The following ACVR2A variants were observed in gnomAD, a reference collection of about 807,000 sequenced individuals.
ACVR2A encodes activin A receptor type 2A.
Under a neutral mutation model 61.4 loss-of-function variants are expected in ACVR2A, and 7 were observed. The observed-to-expected ratio is 0.11, with a 90% confidence interval of 0.06 to 0.21. ACVR2A has a LOEUF of 0.21. Among genes scored for constraint, ACVR2A ranks in the 10% least tolerant of loss-of-function variants. The probability of loss-of-function intolerance (pLI) is 1.00; values close to 1 mark genes in which losing one functional copy is unlikely to be tolerated. For missense variants in ACVR2A, 322 were observed against 621.7 expected, an observed-to-expected ratio of 0.52 and a Z score of 5.13; for synonymous variants, 193 against 208.3, an observed-to-expected ratio of 0.93 and a Z score of 0.63.
intron 1 of ACVR2A, among the ~76,000 whole-genome samples, chr2:147,873,960 A>T (rs954998962): frequency 3.3e-5 from 5 of 151,960 alleles, no homozygotes; most frequent in Non-Finnish European, 7.4e-5. Context: ...AATAATGTGG[A>T]TAGCAGCGTG....
intron 1 of ACVR2A, among the ~76,000 whole-genome samples, chr2:147,853,181 AGAT>A (rs1272443794): frequency 5.1e-4 from 78 of 152,164 alleles, no homozygotes; most frequent in African/African-American, 2.4e-5. Context: ...ATATAGTTTT[AGAT>A]GATAAGCATG....
At chr2:147,862,917 G>A (rs1288650070) in intron 1 of ACVR2A, among the ~76,000 whole-genome samples, 2 of 152,008 alleles carry the variant, frequency 1.3e-5, no homozygotes, top group Admixed American at 6.6e-5. Flanking sequence ...AATGATTACC[G>A]TTTGTTAAAA....
At chr2:147,862,341 T>TTAATTGTTAATTAATTG in intron 1 of ACVR2A, among the ~76,000 whole-genome samples, 1 of 152,006 alleles carries the variant, frequency 6.6e-6, no homozygotes, top group Non-Finnish European at 1.5e-5. Context: ...TAACTATAAA[T>TTAATTGTTAATTAATTG]CCACATGTTA....
Position 147,911,539 on chromosome 2 carries a change from C to T in ACVR2A, c.529-3652C>T, listed in dbSNP as rs968707018. ...TGCCTGTGTTTTTTCTTCACAAGCACGCCTTTCATATAATGATAGAGGTAA... is the reference window on the plus strand; with the variant it reads ...TGCCTGTGTTTTTTCTTCACAAGCATGCCTTTCATATAATGATAGAGGTAA... On this transcript the variant is annotated intron_variant, in intron 4 of 10. Coordinates refer to ENST00000241416, the MANE Select transcript of ACVR2A (RefSeq NM_001616.5). 3.3e-5 allele frequency among the ~76,000 whole-genome samples: 5 copies of T among 152,004 alleles called. 1 individual carries two copies. The highest frequency in any genetic ancestry group is 6.3e-3 in the Middle Eastern group (2 of 316).
intron 1 of ACVR2A, among the ~76,000 whole-genome samples, chr2:147,845,733 A>T (rs1177135404): frequency 2.0e-5 from 3 of 152,138 alleles, no homozygotes; most frequent in Non-Finnish European, 4.4e-5. Context: ...GTCTCCCCTC[A>T]CGTTTTCTTC....
At chr2:147,860,834 G>C (rs1048769616) in intron 1 of ACVR2A, among the ~76,000 whole-genome samples, 2 of 152,176 alleles carry the variant, frequency 1.3e-5, no homozygotes. Context: ...CTATGTAGTA[G>C]TATCTGAAGA....
At chr2:147,922,219 AT>A (rs970073667) in intron 8 of ACVR2A, among the ~76,000 whole-genome samples, 3 of 152,078 alleles carry the variant, frequency 2.0e-5, no homozygotes, top group Admixed American at 6.6e-5. Flanking sequence ...CTTAAAAAAA[AT>A]CTTTACATGT....
chr2:147,879,010 G>C (rs1294121354), intron 1 of ACVR2A, among the ~76,000 whole-genome samples: 2 of 152,168 alleles, frequency 1.3e-5, no homozygotes, highest in African/African-American at 4.8e-5. Flanking sequence ...AGAATAGTAT[G>C]ATAGTTTCTT....
intron 5 of ACVR2A, among the ~76,000 whole-genome samples, chr2:147,916,231 GT>G (rs778171193): frequency 7.3e-5 from 11 of 151,676 alleles, no homozygotes; most frequent in Non-Finnish European, 1.5e-5. Context: ...GTAAACCACA[GT>G]TTAGTTTTCA....
chr2:147,846,589 A>G (rs1685318924), intron 1 of ACVR2A, among the ~76,000 whole-genome samples: 1 of 152,106 alleles, frequency 6.6e-6, no homozygotes, highest in Admixed American at 6.6e-5. Flanking sequence ...CCAGAGATTA[A>G]CCAAAAGAAT....
At chr2:147,919,100 A>C (rs1687320778) in intron 7 of ACVR2A, among the ~76,000 whole-genome samples, 2 of 152,154 alleles carry the variant, frequency 1.3e-5, no homozygotes, top group African/African-American at 4.8e-5. Flanking sequence ...TGTGTCTTAA[A>C]CATGGAATTC....
At chr2:147,901,447 T>A (rs529901598) in intron 4 of ACVR2A, among the ~76,000 whole-genome samples, 1 of 152,058 alleles carries the variant, frequency 6.6e-6, no homozygotes, top group Admixed American at 6.6e-5. Flanking sequence ...GGGCTTTATA[T>A]CCTATGTATG....
intron 4 of ACVR2A, among the ~76,000 whole-genome samples, chr2:147,904,759 G>A (rs1199929298): frequency 6.6e-6 from 1 of 151,954 alleles, no homozygotes; most frequent in Non-Finnish European, 1.5e-5. Context: ...ATGAGTTTAT[G>A]TATTTAAAAT....
At chr2:147,859,455 G>A (rs1685670188) in intron 1 of ACVR2A, among the ~76,000 whole-genome samples, 1 of 151,060 alleles carries the variant, frequency 6.6e-6, no homozygotes, top group East Asian at 1.9e-4. Context: ...GCCCATTTGA[G>A]GCTTATAAAA....
At chr2:147,861,903 G>A (rs754037726) in intron 1 of ACVR2A, among the ~76,000 whole-genome samples, 2 of 144,986 alleles carry the variant, frequency 1.4e-5, no homozygotes, top group African/African-American at 2.7e-5. Flanking sequence ...GGTAGTTTCC[G>A]TGTTTTATAG....
intron 4 of ACVR2A, among the ~76,000 whole-genome samples, chr2:147,906,375 C>G (rs958994187): frequency 6.6e-6 from 1 of 152,128 alleles, no homozygotes; most frequent in African/African-American, 2.4e-5. Flanking sequence ...ACAGTACTTG[C>G]TTCACCTTCT....
chr2:147,860,848 A>G (rs553293391), intron 1 of ACVR2A, among the ~76,000 whole-genome samples: 2 of 152,328 alleles, frequency 1.3e-5, no homozygotes, highest in East Asian at 3.9e-4. Context: ...CTGAAGACTT[A>G]GTATTTTTTA....
Position 147,927,862 on chromosome 2 carries a change from A to G in ACVR2A, c.*588A>G, listed in dbSNP as rs572084136. Reference sequence around the variant, plus strand: ...TTACTTTAACCTCCCTCAACAAGGTATACCTCAGTTCCACGGTTGCTAAAT... The same window carrying G: ...TTACTTTAACCTCCCTCAACAAGGTGTACCTCAGTTCCACGGTTGCTAAAT... On this transcript the variant is annotated 3_prime_UTR_variant, in exon 11 of 11. Transcript: ENST00000241416. 6.6e-6 allele frequency: 1 copy of G among 152,510 alleles called. No homozygotes were observed. Among genetic ancestry groups the G allele is most frequent in the African/African-American group, 2.4e-5 (1 of 41,524 alleles). The allele number at this position is 152,510 out of a possible 1,614,324, so 9.4% of individuals were successfully genotyped here.
At chr2:147,859,674 GTTTT>G (rs1685676519) in intron 1 of ACVR2A, among the ~76,000 whole-genome samples, 1 of 151,970 alleles carries the variant, frequency 6.6e-6, no homozygotes, top group Non-Finnish European at 1.5e-5. Flanking sequence ...CTGATCCTGA[GTTTT>G]TTTGTTTGTT....
Sources: allele counts gnomAD v4.1 joint callset (sites outside exome capture counted in the v4.1 genomes callset), GRCh38; gene constraint gnomAD v4.1.1; transcripts MANE v1.5; gene names NCBI Gene and HGNC (gene_info 2026-07-23, HGNC 2026-07-21).